Variants in UGT1A6 observed in about 807,000 individuals in gnomAD.
UGT1A6 encodes UDP glucuronosyltransferase family 1 member A6, also known as UDP-glucuronosyltransferase 1A6.
UGT1A6 carries 32 observed loss-of-function variants against 44.4 expected under a neutral mutation model. That is an observed-to-expected ratio of 0.72 (90% CI 0.54 to 0.97). The LOEUF (loss-of-function observed/expected upper bound fraction) is 0.97. UGT1A6 is among the 50% of genes least tolerant of loss of function. UGT1A6 has a pLI of 0.00. For missense variants in UGT1A6, 685 were observed against 661.9 expected (o/e 1.03, Z -0.38); for synonymous variants, 238 against 248.5 (o/e 0.96, Z 0.40).
intron 1 of UGT1A6, among the ~76,000 whole-genome samples, chr2:233,695,452 C>T (rs114490104): frequency 7.8e-4 from 118 of 151,598 alleles, no homozygotes; most frequent in African/African-American, 2.4e-3. Flanking sequence ...TTTTGATCAA[C>T]GTGCTTTATT....
At position 233,713,118 on chromosome 2, in the gene UGT1A6, A is replaced by G. The variant is rs45441297; in HGVS notation, c.861+19253A>G. 3.1e-4 allele frequency: 500 copies of G among 1,614,224 alleles called. 3 individuals are homozygous for G. In the East Asian group the frequency reaches 4.3e-3, roughly 14 times the overall value. ...GCCCACTGATGGCAGCCACTGGCTC[A>G]GCATGCGGGAGGCCTTGCGGGACCT... On this transcript the variant is annotated intron_variant, in intron 1 of 4. Coordinates refer to ENST00000305139, the MANE Select transcript of UGT1A6 (RefSeq NM_001072.4).
intron 1 of UGT1A6, among the ~76,000 whole-genome samples, chr2:233,715,756 A>G (rs1346820897): frequency 1.3e-5 from 2 of 152,236 alleles, no homozygotes; most frequent in East Asian, 1.9e-4. Context: ...TGAGTGACAG[A>G]GCGAGGACCC....
chr2:233,747,435 T>G, intron 1 of UGT1A6: 1 of 1,608,866 alleles, frequency 6.2e-7, no homozygotes, highest in Non-Finnish European at 8.5e-7. Context: ...AGAGAAATTT[T>G]TCACCCTGAC....
At chr2:233,718,604 T>G (rs1205248797) in intron 1 of UGT1A6, among the ~76,000 whole-genome samples, 1 of 152,226 alleles carries the variant, frequency 6.6e-6, no homozygotes, top group East Asian at 1.9e-4. Flanking sequence ...CAGATGAGCT[T>G]TTCAAGATAG....
intron 1 of UGT1A6, among the ~76,000 whole-genome samples, chr2:233,738,158 C>T (rs1307511207): frequency 6.6e-6 from 1 of 152,194 alleles, no homozygotes; most frequent in Admixed American, 6.5e-5. Flanking sequence ...AGCTATTCCT[C>T]TTTCTCTCTT....
intron 1 of UGT1A6, among the ~76,000 whole-genome samples, chr2:233,724,290 G>A: frequency 7.3e-6 from 1 of 136,758 alleles, no homozygotes. Flanking sequence ...GCGGGGGGCT[G>A]ACCCCCCCAC....
chr2:233,743,437 C>G (rs1376111647), intron 1 of UGT1A6: 4 of 1,360,536 alleles, frequency 2.9e-6, no homozygotes, highest in East Asian at 4.6e-5. Flanking sequence ...GGAACGAAAT[C>G]CTGTATCAAA....
intron 1 of UGT1A6, chr2:233,753,774 T>C (rs1695305556): frequency 6.6e-6 from 1 of 152,238 alleles, no homozygotes; most frequent in Admixed American, 6.5e-5. Flanking sequence ...TTGGAAACGC[T>C]TTTCTTTACA....
chr2:233,693,574 C>T lies in UGT1A6; in HGVS notation c.570C>T (p.Ser190=), dbSNP rs745481050. ...HTFSRSPDPV[S]YIPRCYTKFS... is the part of the protein sequence containing the mutation. ...TCAGCAGAAGCCCAGACCCTGTGTC[C>T]TACATTCCCAGGTGCTACACAAAGT... The change falls in exon 1 of 5, where the codon TCC becomes TCT. Residue 190 remains serine (S), a synonymous_variant. Coordinates refer to ENST00000305139, the MANE Select transcript of UGT1A6 (RefSeq NM_001072.4). The T allele has an allele frequency of 1.9e-5, 30 of 1,614,190 alleles. No individual in the cohort carries two copies. Among genetic ancestry groups the T allele is most frequent in the East Asian group, 1.6e-4 (7 of 44,892 alleles).
upstream of UGT1A6, chr2:233,692,696 C>G (rs28898576): frequency 5.4e-3 from 2,104 of 392,412 alleles, 43 homozygotes; most frequent in African/African-American, 0.043. Flanking sequence ...TCAGGGGTCT[C>G]TCCAAGTCAT....
In UGT1A6 at chr2:233,693,674, T is replaced by C; in HGVS notation, c.670T>C (p.Cys224Arg). 1.2e-6 allele frequency: 2 copies of C among 1,614,236 alleles called. No individual in the cohort carries two copies. The highest frequency in any genetic ancestry group is 1.7e-6 in the Non-Finnish European group (2 of 1,180,038). ...TTTGTTGGAGCCCTATCTATTTTAT[T>C]GTCTGTTTTCAAAGTATGAAGAACT... ...VNLLEPYLFY[C>R]LFSKYEELAS... The change falls in exon 1 of 5, where the codon TGT (cysteine) becomes CGT (arginine). Residue 224 changes from cysteine to arginine, a missense_variant. Physicochemically the swap from Cys to Arg is radical, Grantham distance 180 (BLOSUM62 -3). Coordinates refer to ENST00000305139, the MANE Select transcript of UGT1A6 (RefSeq NM_001072.4).
chr2:233,758,651 G>A (rs1039863868), intron 1 of UGT1A6, among the ~76,000 whole-genome samples: 3 of 151,900 alleles, frequency 2.0e-5, no homozygotes, highest in African/African-American at 7.3e-5. Context: ...AGAATGAGAG[G>A]GTACCCTAAT....
rs926387515 is a variant in UGT1A6 at position 233,772,265 on chromosome 2, C to T, written c.1305C>T (p.Tyr435=). ...ACGAAACTGTCTTTGTGTTTAGTTA[C>T]AAGGAGAACATCATGCGCCTCTCCA... ...ALKAVINDKS[Y]KENIMRLSSL... The change falls in exon 5 of 5, where the codon TAC becomes TAT. Residue 435 remains tyrosine, a synonymous_variant. Coordinates refer to ENST00000305139, the MANE Select transcript of UGT1A6 (RefSeq NM_001072.4). 4 of 1,614,232 alleles carry T rather than the reference C, an allele frequency of 2.5e-6. No homozygotes were observed. The Admixed American group carries it at 6.7e-5, about 27-fold the overall frequency.
intron 1 of UGT1A6, among the ~76,000 whole-genome samples, chr2:233,716,389 A>C (rs1313354106): frequency 6.6e-6 from 1 of 152,190 alleles, no homozygotes; most frequent in East Asian, 1.9e-4. Flanking sequence ...TACCACAGAC[A>C]CTAAGCTTAA....
At chr2:233,763,140 C>T (rs1698247941) in intron 1 of UGT1A6, among the ~76,000 whole-genome samples, 1 of 152,192 alleles carries the variant, frequency 6.6e-6, no homozygotes, top group African/African-American at 2.4e-5. Context: ...ATTGATATAA[C>T]CATAAAAGTC....
At chr2:233,748,098 A>C in intron 1 of UGT1A6, 1 of 1,612,702 alleles carries the variant, frequency 6.2e-7, no homozygotes, top group Non-Finnish European at 8.5e-7. Flanking sequence ...TCGTGCCTTC[A>C]TCCAATCAAT....
In UGT1A6 at chr2:233,743,171, T is replaced by G. The variant is rs182109098; in HGVS notation, c.862-23863T>G. The G allele has an allele frequency of 7.8e-4, 286 of 364,898 alleles. 2 individuals are homozygous for G. Among genetic ancestry groups the G allele is most frequent in the East Asian group, 3.6e-3 (49 of 13,664 alleles). 22.6% of individuals were successfully genotyped at this position (364,898 alleles called of 1,614,324 possible). A position where few individuals can be genotyped will look rare whatever the true frequency, so the allele number is the denominator to read the frequency against. ...GCTATTCCTCCAGATGTGCTTAAAG[T>G]CAAATGTGGACTGGAATTACTTGGT... On this transcript the variant is annotated intron_variant, in intron 1 of 4. Coordinates refer to ENST00000305139, the MANE Select transcript of UGT1A6 (RefSeq NM_001072.4).
intron 1 of UGT1A6, among the ~76,000 whole-genome samples, chr2:233,726,265 C>T (rs569256499): frequency 2.6e-5 from 4 of 152,302 alleles, no homozygotes; most frequent in East Asian, 1.9e-4. Context: ...CAGTGGCATG[C>T]GCCTATGGTC....
chr2:233,703,269 T>G (rs780470633), intron 1 of UGT1A6, among the ~76,000 whole-genome samples: 39 of 152,216 alleles, frequency 2.6e-4, no homozygotes, highest in Non-Finnish European at 4.9e-4. Context: ...ATACTTTCTG[T>G]TTCTGTAAGG....
Sources: allele counts gnomAD v4.1 joint callset (sites outside exome capture counted in the v4.1 genomes callset), GRCh38; gene constraint gnomAD v4.1.1; transcripts MANE v1.5; gene names NCBI Gene and HGNC (gene_info 2026-07-23, HGNC 2026-07-21).